PDSS2: variants seen among roughly 807,000 people sequenced by gnomAD.
PDSS2 encodes the protein all trans-polyprenyl-diphosphate synthase PDSS2.
Under a neutral mutation model 44.5 loss-of-function variants are expected in PDSS2, and 31 were observed. That is an observed-to-expected ratio of 0.70 (90% CI 0.52 to 0.94). PDSS2 has a LOEUF of 0.94. Ranked by LOEUF, PDSS2 falls within the 40% of genes least tolerant of loss-of-function variation. The pLI is 0.00. For synonymous variants in PDSS2, 157 were observed against 180.3 expected, an observed-to-expected ratio of 0.87 and a Z score of 1.03; for missense variants, 452 against 482.2, an observed-to-expected ratio of 0.94 and a Z score of 0.59.
intron 2 of PDSS2, among the ~76,000 whole-genome samples, chr6:107,277,901 A>T (rs1775838743): frequency 6.6e-6 from 1 of 152,158 alleles, no homozygotes; most frequent in Non-Finnish European, 1.5e-5. Flanking sequence ...CAGAGGTTGC[A>T]GTTAGCTGAG....
chr6:107,445,644 G>T (rs1781646923), intron 1 of PDSS2, among the ~76,000 whole-genome samples: 1 of 152,124 alleles, frequency 6.6e-6, no homozygotes, highest in Non-Finnish European at 1.5e-5. Flanking sequence ...TGTGGAAAAA[G>T]GATTACAGAC....
intron 7 of PDSS2, among the ~76,000 whole-genome samples, chr6:107,192,800 G>A (rs12193752): frequency 0.35 from 52,103 of 149,534 alleles, 9,101 homozygotes; most frequent in East Asian, 0.55. Context: ...AAAAAAAAAA[G>A]AGAGACTTTA....
intron 1 of PDSS2, among the ~76,000 whole-genome samples, chr6:107,418,924 T>A (rs763609966): frequency 1.4e-4 from 22 of 152,216 alleles, no homozygotes; most frequent in Non-Finnish European, 2.5e-4. Context: ...ATATCAATTC[T>A]ATTGTTGCAT....
chr6:107,276,973 AC>A (rs1775805621), intron 2 of PDSS2, among the ~76,000 whole-genome samples: 3 of 152,240 alleles, frequency 2.0e-5, no homozygotes, highest in African/African-American at 7.2e-5. Context: ...CAGCAAAGGA[AC>A]AGTCCAGCCA....
intron 2 of PDSS2, among the ~76,000 whole-genome samples, chr6:107,305,298 C>T (rs1337778205): frequency 6.6e-6 from 1 of 152,064 alleles, no homozygotes; most frequent in Non-Finnish European, 1.5e-5. Flanking sequence ...GAGTCCCGGT[C>T]CCCCTCCAGC....
chr6:107,305,174 C>CT (rs921079493), intron 2 of PDSS2, among the ~76,000 whole-genome samples: 7 of 151,446 alleles, frequency 4.6e-5, no homozygotes, highest in South Asian at 2.1e-4. Flanking sequence ...TCAGCAAATA[C>CT]TTTTTTTTTC....
At chr6:107,212,488 G>A (rs1216979351) in intron 4 of PDSS2, among the ~76,000 whole-genome samples, 1 of 152,176 alleles carries the variant, frequency 6.6e-6, no homozygotes. Flanking sequence ...TAGGGGGAAA[G>A]TTAAAGAAAT....
chr6:107,415,582 A>C (rs183521763), intron 1 of PDSS2, among the ~76,000 whole-genome samples: 42 of 152,298 alleles, frequency 2.8e-4, no homozygotes, highest in African/African-American at 9.1e-4. Flanking sequence ...GGGTGTCTGA[A>C]ATAGAGAAGG....
At chr6:107,430,343 T>C (rs1781156734) in intron 1 of PDSS2, among the ~76,000 whole-genome samples, 1 of 151,570 alleles carries the variant, frequency 6.6e-6, no homozygotes, top group South Asian at 2.1e-4. Flanking sequence ...CTACTAAAAA[T>C]ACAAAAAGTA....
intron 6 of PDSS2, among the ~76,000 whole-genome samples, chr6:107,207,138 G>A (rs62428034): frequency 0.23 from 34,859 of 150,690 alleles, 5,042 homozygotes; most frequent in East Asian, 0.49. Flanking sequence ...GACTACAGGC[G>A]CCCGCCACTG....
At chr6:107,231,736 T>C (rs1386364387) in intron 4 of PDSS2, among the ~76,000 whole-genome samples, 2 of 152,188 alleles carry the variant, frequency 1.3e-5, no homozygotes, top group African/African-American at 2.4e-5. Context: ...CAGAGGTGGA[T>C]GGATCAGCTG....
chr6:107,402,333 C>G (rs1351545467), intron 1 of PDSS2, among the ~76,000 whole-genome samples: 1 of 146,136 alleles, frequency 6.8e-6, no homozygotes, highest in East Asian at 2.0e-4. Context: ...ATGGACAAAG[C>G]CTTCAACAAG....
chr6:107,307,104 A>C (rs1410042281), intron 2 of PDSS2, among the ~76,000 whole-genome samples: 2 of 152,226 alleles, frequency 1.3e-5, no homozygotes, highest in African/African-American at 4.8e-5. Flanking sequence ...TTATTGAAGT[A>C]GGCACACATT....
At chr6:107,422,568 T>TA (rs942663853) in intron 1 of PDSS2, among the ~76,000 whole-genome samples, 8 of 151,612 alleles carry the variant, frequency 5.3e-5, no homozygotes, top group African/African-American at 1.2e-4. Flanking sequence ...GAAAAACATT[T>TA]AAAAAAAAGA....
intron 2 of PDSS2, among the ~76,000 whole-genome samples, chr6:107,329,105 G>A (rs2430461): frequency 0.7 from 107,183 of 152,094 alleles, 40,234 homozygotes; most frequent in East Asian, 0.92. Flanking sequence ...CCTTCTAAGC[G>A]TCAGCTAATT....
chr6:107,442,529 G>T (rs1055904342), intron 1 of PDSS2, among the ~76,000 whole-genome samples: 2 of 152,168 alleles, frequency 1.3e-5, no homozygotes, highest in Admixed American at 6.6e-5. Flanking sequence ...AAACCCCTAT[G>T]GCTTTAAATC....
intron 3 of PDSS2, among the ~76,000 whole-genome samples, chr6:107,271,644 C>T (rs1416634131): frequency 6.6e-6 from 1 of 152,188 alleles, no homozygotes; most frequent in African/African-American, 2.4e-5. Flanking sequence ...TGTCTGAGTG[C>T]ACTTTACTGT....
chr6:107,212,867 G>A (rs1773273273), intron 4 of PDSS2, among the ~76,000 whole-genome samples: 1 of 151,792 alleles, frequency 6.6e-6, no homozygotes, highest in Non-Finnish European at 1.5e-5. Context: ...AGCTAGGCAA[G>A]GGGGTGTGCC....
At chr6:107,210,695 T>C (rs541237693) in intron 5 of PDSS2, 125 bp from the exon 6 acceptor site, 3 of 686,450 alleles carry the variant, frequency 4.4e-6, no homozygotes, top group East Asian at 2.8e-5. Flanking sequence ...TTTTTAGATA[T>C]ACTTTAATAA....
Sources: gnomAD v4.1 joint callset for allele counts (sites outside exome capture counted in the v4.1 genomes callset) on GRCh38, gnomAD v4.1.1 for gene constraint, MANE v1.5 for transcripts, NCBI Gene and HGNC (gene_info 2026-07-23, HGNC 2026-07-21) for gene names.